Variants in EHF observed in about 807,000 individuals in gnomAD.
The protein encoded by EHF is ETS homologous factor.
Under a neutral mutation model 45.1 loss-of-function variants are expected in EHF, and 14 were observed. The ratio of observed to expected loss-of-function variants is 0.31; its 90% CI spans 0.21 to 0.49. The LOEUF is 0.49. Ranked by LOEUF, EHF falls within the 20% of genes least tolerant of loss-of-function variation. The probability of loss-of-function intolerance (pLI) is 0.99; values close to 1 mark genes in which losing one functional copy is unlikely to be tolerated. For synonymous variants in EHF, 136 were observed against 131.8 expected, an observed-to-expected ratio of 1.03 and a Z score of -0.22; for missense variants, 282 against 371.4, an observed-to-expected ratio of 0.76 and a Z score of 1.98.
At chr11:34,642,762 T>A in intron 2 of EHF, 35 bp downstream of exon 2, 1 of 1,462,998 alleles carries the variant, frequency 6.8e-7, no homozygotes, top group East Asian at 2.3e-5. Context: ...GTCACTGCTG[T>A]GCTGTGTGGG....
chr11:34,657,091 C>T (rs904830179), intron 7 of EHF, 121 bp downstream of exon 7: 3 of 1,195,718 alleles, frequency 2.5e-6, no homozygotes, highest in Admixed American at 2.3e-5. Flanking sequence ...TCATCCCAAA[C>T]AGGGTGGAGT....
chr11:34,647,597 A>G (rs763923548), intron 3 of EHF, among the ~76,000 whole-genome samples: 4 of 152,238 alleles, frequency 2.6e-5, no homozygotes, highest in Non-Finnish European at 4.4e-5. Context: ...CTGCACTGGA[A>G]AAGGCATTTA....
intron 6 of EHF, among the ~76,000 whole-genome samples, chr11:34,652,098 A>G (rs1181083218): frequency 6.6e-6 from 1 of 152,216 alleles, no homozygotes; most frequent in East Asian, 1.9e-4. Flanking sequence ...TACTCTTGCA[A>G]TATAGCTGCT....
At chr11:34,640,424 G>A (rs774412521) in intron 1 of EHF, among the ~76,000 whole-genome samples, 9 of 152,182 alleles carry the variant, frequency 5.9e-5, no homozygotes, top group South Asian at 4.1e-4. Context: ...ATGCAAATGG[G>A]CTGGGCTCTG....
At chr11:34,652,917 C>T (rs190315475) in intron 6 of EHF, among the ~76,000 whole-genome samples, 3 of 152,272 alleles carry the variant, frequency 2.0e-5, no homozygotes, top group African/African-American at 7.2e-5. Flanking sequence ...CCCAGTGGTC[C>T]TTAGCATTAT....
chr11:34,624,071 G>T (rs1020793693), intron 1 of EHF, among the ~76,000 whole-genome samples: 3 of 152,236 alleles, frequency 2.0e-5, no homozygotes, highest in Non-Finnish European at 4.4e-5. Flanking sequence ...AAGCAATGTT[G>T]TGGTTTTAAG....
In EHF at chr11:34,649,075, C is replaced by A. The variant is rs1590514406; in HGVS notation, c.400C>A (p.Gln134Lys). ...ACACAATGTCATTGTCAAGACTGAACAAACTGGTGAGTAGTAGTGGACAAA... is the reference window on the plus strand; with the variant it reads ...ACACAATGTCATTGTCAAGACTGAAAAAACTGGTGAGTAGTAGTGGACAAA... ...STHNVIVKTE[Q>K]TEPSIMNTWK... is the part of the protein sequence containing the mutation. The change falls in exon 4 of 9, where the codon CAA becomes AAA. Residue 134 changes from glutamine to lysine, a missense_variant. Physicochemically the swap from Gln to Lys is moderately conservative, Grantham distance 53. Around this residue, in one of 3 missense-constraint regions of EHF, gnomAD observed 213 missense variants for 247.3 expected, o/e 0.86. Transcript: ENST00000257831. The A allele has an allele frequency of 1.2e-6, 2 of 1,613,854 alleles. No individual in the cohort carries two copies. The highest frequency in any genetic ancestry group is 2.2e-5 in the East Asian group (1 of 44,878).
intron 1 of EHF, among the ~76,000 whole-genome samples, chr11:34,639,662 C>T (rs918825088): frequency 6.6e-6 from 1 of 152,232 alleles, no homozygotes; most frequent in African/African-American, 2.4e-5. Flanking sequence ...GCTTACAAGC[C>T]CAGGTGAGCT....
intron 3 of EHF, among the ~76,000 whole-genome samples, chr11:34,647,199 A>G (rs1590505199): frequency 6.6e-6 from 1 of 152,044 alleles, no homozygotes; most frequent in East Asian, 1.9e-4. Flanking sequence ...TGGGAGGGGA[A>G]AAAACTCACA....
Position 34,646,726 on chromosome 11 carries a change from C to T in EHF, c.343+42C>T, listed in dbSNP as rs576338621. On this transcript the variant is annotated intron_variant, in intron 3 of 8. Coordinates refer to ENST00000257831, the MANE Select transcript of EHF (RefSeq NM_012153.6). ...GTGTCTCTCCCTACCCTGCTAGGAG[C>T]CAGCTGGAAGAATAGAGATTCTGCA... 4 of 1,598,688 alleles carry T rather than the reference C, an allele frequency of 2.5e-6. No individual in the cohort carries two copies. The African/African-American group carries it at 4.0e-5, about 16-fold the overall frequency.
chr11:34,651,835 A>C, intron 6 of EHF, 30 bp downstream of exon 6: 1 of 1,595,646 alleles, frequency 6.3e-7, no homozygotes, highest in African/African-American at 1.3e-5. Context: ...GAGGCTGGGT[A>C]TGCCTAATGC....
intron 1 of EHF, among the ~76,000 whole-genome samples, chr11:34,640,463 A>G (rs1162408299): frequency 6.6e-6 from 1 of 152,156 alleles, no homozygotes; most frequent in East Asian, 1.9e-4. Flanking sequence ...GTTAAACAGT[A>G]ACCTTTCCAC....
chr11:34,652,498 C>T (rs924083868), intron 6 of EHF, among the ~76,000 whole-genome samples: 4 of 152,164 alleles, frequency 2.6e-5, no homozygotes, highest in Non-Finnish European at 4.4e-5. Context: ...CAGATTACCA[C>T]CCCCACCTAC....
chr11:34,655,216 G>A (rs961386575), intron 6 of EHF, among the ~76,000 whole-genome samples: 2 of 152,126 alleles, frequency 1.3e-5, no homozygotes, highest in Non-Finnish European at 2.9e-5. Flanking sequence ...AGGATGAGAG[G>A]TTTCTTGTTT....
rs180762945 is a variant in EHF, at chr11:34,661,630, G to A, written c.*2699G>A. 7.3e-4 allele frequency among the ~76,000 whole-genome samples: 111 copies of A among 152,196 alleles called. No homozygotes were observed. Among genetic ancestry groups the A allele is most frequent in the African/African-American group, 2.1e-3 (88 of 41,524 alleles). On this transcript the variant is annotated 3_prime_UTR_variant, in exon 9 of 9. Coordinates refer to ENST00000257831, the MANE Select transcript of EHF (RefSeq NM_012153.6). ...TTGCTGCATTTTCTATGTGCTGTTC[G>A]TGACTTGGAGAACTTAAAGTAATCG...
At chr11:34,636,831 G>A (rs1330921548) in intron 1 of EHF, among the ~76,000 whole-genome samples, 4 of 152,108 alleles carry the variant, frequency 2.6e-5, no homozygotes, top group Admixed American at 1.3e-4. Flanking sequence ...TCAGGAGTTC[G>A]AGACCAGCCT....
At chr11:34,651,513 T>G in intron 4 of EHF, 29 bp from the exon 5 acceptor site, 1 of 1,590,982 alleles carries the variant, frequency 6.3e-7, no homozygotes, top group African/African-American at 1.3e-5. Flanking sequence ...AAGAGATCGC[T>G]GACTATTCTC....
At position 34,658,723 on chromosome 11, in the gene EHF, T is replaced by A; in HGVS notation, c.798T>A (p.Ala266=). The change falls in exon 8 of 9, where the codon GCT becomes GCA. Residue 266 remains alanine (A), a synonymous_variant. Transcript: ENST00000257831. Reference sequence around the variant, plus strand: ...TGACCTATGAAAAGCTCAGCCGAGCTATGAGGTGAGGAGTTTCATGTCTCT... The same window carrying A: ...TGACCTATGAAAAGCTCAGCCGAGCAATGAGGTGAGGAGTTTCATGTCTCT... ...SSMTYEKLSR[A]MRYYYKREIL... 6.2e-7 allele frequency: 1 copy of A among 1,613,096 alleles called. No homozygotes were observed. The highest frequency in any genetic ancestry group is 8.5e-7 in the Non-Finnish European group (1 of 1,179,516).
In EHF at chr11:34,662,039, TC is replaced by T; in HGVS notation, c.*3110del. On this transcript the variant is annotated 3_prime_UTR_variant, in exon 9 of 9. Transcript: ENST00000257831. ...GAAGGGAGACCCAGGTTGTGAGTTT[TC>T]CTTTGAACACATTGGTCTTTTCTCA... 6.6e-6 allele frequency among the ~76,000 whole-genome samples: 1 copy of T among 152,248 alleles called. No individual in the cohort carries two copies. Among genetic ancestry groups the T allele is most frequent in the South Asian group, 2.1e-4 (1 of 4,820 alleles).
Sources: gnomAD v4.1 joint callset for allele counts (sites outside exome capture counted in the v4.1 genomes callset) on GRCh38, gnomAD v4.1.1 for gene constraint, gnomAD v4.1.1 regional missense constraint, MANE v1.5 for transcripts, NCBI Gene and HGNC (gene_info 2026-07-23, HGNC 2026-07-21) for gene names.